Variants in ROBO2 observed in about 807,000 individuals in gnomAD.
The protein encoded by ROBO2 is roundabout guidance receptor 2, also known as roundabout homolog 2.
ROBO2 carries 53 observed loss-of-function variants against 160.8 expected under a neutral mutation model. That is an observed-to-expected ratio of 0.33 (90% CI 0.26 to 0.41). The LOEUF is 0.41. Ranked by LOEUF, ROBO2 falls within the 10% of genes least tolerant of loss-of-function variation. The probability of loss-of-function intolerance (pLI) is 1.00; values close to 1 mark genes in which losing one functional copy is unlikely to be tolerated. For missense variants in ROBO2, 1,577 were observed against 1,722.4 expected (o/e 0.92, Z 1.49); for synonymous variants, 664 against 611.7 (o/e 1.09, Z -1.26).
intron 2 of ROBO2, among the ~76,000 whole-genome samples, chr3:76,937,833 G>A (rs535179209): frequency 6.6e-6 from 1 of 152,252 alleles, no homozygotes; most frequent in East Asian, 1.9e-4. Context: ...TATGCATAAA[G>A]CTGGATGGCC....
intron 2 of ROBO2, among the ~76,000 whole-genome samples, chr3:76,173,348 T>A (rs2073113356): frequency 6.6e-6 from 1 of 152,088 alleles, no homozygotes; most frequent in African/African-American, 2.4e-5. Context: ...ATTTTTATTT[T>A]TTATTATTTT....
chr3:77,210,741 C>T (rs2084026600), intron 2 of ROBO2, among the ~76,000 whole-genome samples: 1 of 151,602 alleles, frequency 6.6e-6, no homozygotes, highest in Non-Finnish European at 1.5e-5. Flanking sequence ...CTCCCCCTTC[C>T]CCCCACCCCA....
At chr3:76,880,079 G>A in intron 2 of ROBO2, among the ~76,000 whole-genome samples, 1 of 152,114 alleles carries the variant, frequency 6.6e-6, no homozygotes, top group East Asian at 1.9e-4. Context: ...CCTTATTTCT[G>A]TAATGTTTGA....
chr3:77,025,860 T>C (rs939202510), intron 2 of ROBO2, among the ~76,000 whole-genome samples: 3 of 152,186 alleles, frequency 2.0e-5, no homozygotes, highest in Non-Finnish European at 2.9e-5. Context: ...TATTGTTTCT[T>C]AAGAGGTACC....
intron 2 of ROBO2, among the ~76,000 whole-genome samples, chr3:76,263,401 A>C (rs373348747): frequency 2.6e-5 from 4 of 152,176 alleles, no homozygotes; most frequent in South Asian, 4.1e-4. Context: ...TAATTAAAAA[A>C]ATGTAGGTAC....
At chr3:75,931,383 T>G (rs7628065) in intron 1 of ROBO2, among the ~76,000 whole-genome samples, 19,587 of 152,000 alleles carry the variant, frequency 0.13, 4,097 homozygotes, top group African/African-American at 0.44. Flanking sequence ...ACAGGGTCTT[T>G]CTCTGTCACC....
intron 2 of ROBO2, among the ~76,000 whole-genome samples, chr3:77,316,231 C>A (rs765494156): frequency 6.6e-6 from 1 of 152,056 alleles, no homozygotes; most frequent in African/African-American, 2.4e-5. Flanking sequence ...CAAAATGGCA[C>A]GGAAGAAACA....
Position 76,904,633 on chromosome 3 carries a change from G to A in ROBO2, c.110-193381G>A, listed in dbSNP as rs1476646185. ...AATGAGATTGACAGTTCTCCATCCC[G>A]TGGCTCAGAGGGTCTGGGATTTAAG... On this transcript the variant is annotated intron_variant, in intron 2 of 26. Coordinates refer to the ROBO2 transcript ENST00000487694. Among the ~76,000 whole-genome samples the A allele has an allele frequency of 2.6e-5, 4 of 152,130 alleles. No homozygotes were observed. In the South Asian group the frequency reaches 8.3e-4, roughly 32 times the overall value.
chr3:76,302,523 T>C (rs1207309968), intron 2 of ROBO2, among the ~76,000 whole-genome samples: 1 of 152,094 alleles, frequency 6.6e-6, no homozygotes, highest in Non-Finnish European at 1.5e-5. Context: ...AATACAGTCA[T>C]GCACTGCACA....
intron 2 of ROBO2, among the ~76,000 whole-genome samples, chr3:76,814,956 G>A (rs1332494342): frequency 6.6e-6 from 1 of 151,962 alleles, no homozygotes; most frequent in Non-Finnish European, 1.5e-5. Flanking sequence ...AAGAAAACAA[G>A]CAATTCATGC....
intron 5 of ROBO2, among the ~76,000 whole-genome samples, chr3:77,505,865 A>T (rs775875530): frequency 6.6e-6 from 1 of 152,192 alleles, no homozygotes; most frequent in Non-Finnish European, 1.5e-5. Flanking sequence ...CTTGACTACT[A>T]TATACAGTAA....
chr3:75,918,009 TTTTACTGAGCAGAAGC>T (rs1444437077), intron 1 of ROBO2, among the ~76,000 whole-genome samples: 1 of 152,198 alleles, frequency 6.6e-6, no homozygotes, highest in Non-Finnish European at 1.5e-5. Flanking sequence ...TGATAGTTTA[TTTTACTGAGCAGAAGC>T]TCTTTAGTTT....
chr3:77,447,447 T>C (rs2080655884), intron 2 of ROBO2, among the ~76,000 whole-genome samples: 1 of 152,146 alleles, frequency 6.6e-6, no homozygotes, highest in East Asian at 1.9e-4. Flanking sequence ...AAATAGACTG[T>C]TAAAAATTTA....
intron 2 of ROBO2, among the ~76,000 whole-genome samples, chr3:76,251,307 A>G (rs1705982523): frequency 6.6e-6 from 1 of 152,086 alleles, no homozygotes; most frequent in Admixed American, 6.6e-5. Context: ...AGGGTATGAA[A>G]GAGACGTGAA....
At chr3:76,219,025 T>C (rs1354497230) in intron 2 of ROBO2, among the ~76,000 whole-genome samples, 2 of 152,198 alleles carry the variant, frequency 1.3e-5, no homozygotes, top group Non-Finnish European at 2.9e-5. Flanking sequence ...TACAACTATC[T>C]GGTCTTTGAC....
intron 2 of ROBO2, chr3:77,316,908 G>A: frequency 3.4e-6 from 4 of 1,177,956 alleles, no homozygotes; most frequent in Admixed American, 1.7e-5. Flanking sequence ...TAGTGGAGAA[G>A]CAGGCATGAG....
intron 18 of ROBO2, 47 bp downstream of exon 19, chr3:77,595,231 A>C (rs1175846842): frequency 7.2e-7 from 1 of 1,383,798 alleles, no homozygotes; most frequent in East Asian, 2.3e-5. Context: ...TTTAATCAGG[A>C]CTGGGGAAAC....
chr3:76,465,468 T>C (rs764169983), intron 2 of ROBO2, among the ~76,000 whole-genome samples: 1 of 152,008 alleles, frequency 6.6e-6, no homozygotes, highest in Admixed American at 6.6e-5. Context: ...GTATTTTGCT[T>C]TTATGAGATT....
chr3:77,020,711 G>A (rs55887889), intron 2 of ROBO2, among the ~76,000 whole-genome samples: 8,744 of 151,992 alleles, frequency 0.058, 751 homozygotes, highest in African/African-American at 0.19. Context: ...AGTGGAAAAA[G>A]GCAGGATACA....
Sources: gnomAD v4.1 joint callset for allele counts (sites outside exome capture counted in the v4.1 genomes callset) on GRCh38, gnomAD v4.1.1 for gene constraint, MANE v1.5 for transcripts, NCBI Gene and HGNC (gene_info 2026-07-23, HGNC 2026-07-21) for gene names.